The following COG1 variants were observed in gnomAD, a reference collection of about 807,000 sequenced individuals.
COG1 encodes the protein component of oligomeric golgi complex 1.
COG1 carries 61 observed loss-of-function variants against 102.2 expected under a neutral mutation model. That is an observed-to-expected ratio of 0.60 (90% CI 0.49 to 0.74). COG1 has a LOEUF of 0.74. Among genes scored for constraint, COG1 ranks in the 30% least tolerant of loss-of-function variants. COG1 has a pLI of 0.00. For synonymous variants in COG1, 454 were observed against 493.6 expected, an observed-to-expected ratio of 0.92 and a Z score of 1.06; for missense variants, 1,164 against 1,232.1, an observed-to-expected ratio of 0.94 and a Z score of 0.83.
Position 73,201,865 on chromosome 17 carries a change from A to G in COG1, c.2038A>G (p.Met680Val). 1 of 1,614,230 alleles carries G rather than the reference A, an allele frequency of 6.2e-7. No homozygotes were observed. Among genetic ancestry groups the G allele is most frequent in the Non-Finnish European group, 8.5e-7 (1 of 1,180,038 alleles). ...VKEVLLQQSV[M>V]GYQVWSSAVV... ...AGAAGTACTCCTCCAGCAGAGCGTGATGGGCTACCAGGTCTGGAGCAGTGC... is the reference window on the plus strand; with the variant it reads ...AGAAGTACTCCTCCAGCAGAGCGTGGTGGGCTACCAGGTCTGGAGCAGTGC... The change falls in exon 7 of 14, where the codon ATG becomes GTG. Residue 680 changes from methionine to valine, a missense_variant. By Grantham distance (21) the Met-to-Val change is conservative. Transcript: ENST00000299886.
intron 13 of COG1, 99 bp from the exon 14 acceptor site, chr17:73,208,215 G>C: frequency 6.3e-7 from 1 of 1,599,754 alleles, no homozygotes; most frequent in South Asian, 1.1e-5. Context: ...AGCTCCGCTT[G>C]TGTGTGCCGT....
chr17:73,207,649 ATT>A (rs2061385483), intron 13 of COG1: 2 of 1,281,636 alleles, frequency 1.6e-6, no homozygotes, highest in African/African-American at 1.5e-5. Context: ...GTAACAGAAA[ATT>A]TGTTTCCCCA....
At position 73,206,810 on chromosome 17, in the gene COG1, C is replaced by G; in HGVS notation, c.2722C>G (p.Gln908Glu). 3 of 1,612,940 alleles carry G rather than the reference C, an allele frequency of 1.9e-6. No homozygotes were observed. Among genetic ancestry groups the G allele is most frequent in the Non-Finnish European group, 2.5e-6 (3 of 1,179,102 alleles). The change falls in exon 12 of 14, where the codon CAG (glutamine) becomes GAG (glutamate). Residue 908 changes from glutamine (Q) to glutamate (E), a missense_variant. Gln to Glu is a conservative substitution (Grantham distance 29). Coordinates refer to ENST00000299886, the MANE Select transcript of COG1 (RefSeq NM_018714.3). Reference sequence around the variant, plus strand: ...TAACATCCTGCCACTGGCATCCAGTCAGATCAGGTAAAGGCTGCCAAGAGG... The same window carrying G: ...TAACATCCTGCCACTGGCATCCAGTGAGATCAGGTAAAGGCTGCCAAGAGG... The part of the protein sequence containing the change: ...PHNILPLASS[Q>E]IRFGLLPLSM...
At position 73,203,008 on chromosome 17, in the gene COG1, T is replaced by C. The variant is rs2061353333; in HGVS notation, c.2082T>C (p.Ile694=). The change falls in exon 8 of 14, where the codon ATT becomes ATC. Residue 694 remains isoleucine (I), a synonymous_variant. Coordinates refer to ENST00000299886, the MANE Select transcript of COG1 (RefSeq NM_018714.3). The part of the protein sequence containing the change: ...VWSSAVVKVL[I]HGFTQSLLLD... The stretch of plus-strand genomic sequence containing the variant: ...CTGCCTTTTATTACCAGGTTTTGAT[T>C]CATGGATTCACCCAGTCATTACTTC... 6.2e-7 allele frequency: 1 copy of C among 1,614,022 alleles called. No individual in the cohort carries two copies. Among genetic ancestry groups the C allele is most frequent in the Non-Finnish European group, 8.5e-7 (1 of 1,180,004 alleles).
chr17:73,207,933 TTAAA>T (rs1278249224), intron 13 of COG1: 1 of 1,194,716 alleles, frequency 8.4e-7, no homozygotes, highest in Non-Finnish European at 1.1e-6. Context: ...AGATGGTAGT[TTAAA>T]AAAAAAAAAA....
intron 1 of COG1, among the ~76,000 whole-genome samples, chr17:73,194,668 T>C (rs922513326): frequency 2.6e-5 from 4 of 151,948 alleles, no homozygotes; most frequent in African/African-American, 4.8e-5. Context: ...TTCACCATAT[T>C]GGCCCGGCTG....
chr17:73,201,990 G>A, intron 7 of COG1, 90 bp downstream of exon 7: 2 of 1,250,976 alleles, frequency 1.6e-6, no homozygotes, highest in Non-Finnish European at 2.3e-6. Flanking sequence ...AGTAGTAAAG[G>A]CAAAACAATT....
intron 11 of COG1, 39 bp downstream of exon 11, chr17:73,206,301 G>A (rs761366176): frequency 2.0e-6 from 3 of 1,469,426 alleles, no homozygotes; most frequent in Non-Finnish European, 2.9e-6. Flanking sequence ...CGAACGAAGC[G>A]ATACAGGCTC....
At chr17:73,204,804 G>GT (rs1304489256) in intron 9 of COG1, among the ~76,000 whole-genome samples, 1 of 152,120 alleles carries the variant, frequency 6.6e-6, no homozygotes, top group African/African-American at 2.4e-5. Flanking sequence ...CAAATCGCTT[G>GT]TTTCGGCCTC....
chr17:73,207,777 A>G (rs1379501988), intron 13 of COG1: 2 of 1,285,296 alleles, frequency 1.6e-6, no homozygotes, highest in Non-Finnish European at 1.0e-6. Flanking sequence ...TGTGTTTGAA[A>G]GCTCAAACAG....
chr17:73,203,270 A>C, intron 8 of COG1, 124 bp downstream of exon 8: 3 of 1,249,098 alleles, frequency 2.4e-6, no homozygotes, highest in South Asian at 2.6e-5. Context: ...GTAATTTTCT[A>C]CTGTGGGGGC....
In COG1 at chr17:73,193,177, G is replaced by A. The variant is rs775416698; in HGVS notation, c.108G>A (p.Gln36=). ...GAEEIRGLER[Q]VRAEIEHKKE... ...AGGAGATCCGCGGGCTGGAGCGCCAGGTTCGGGCCGAGATCGAGCACAAGA... is the reference window on the plus strand; with the variant it reads ...AGGAGATCCGCGGGCTGGAGCGCCAAGTTCGGGCCGAGATCGAGCACAAGA... Residue 36 remains glutamine (Q), a synonymous_variant, in exon 1 of 14, where the codon CAG becomes CAA. Transcript: ENST00000299886. The A allele has an allele frequency of 6.2e-7, 1 of 1,607,946 alleles. No homozygotes were observed.
In COG1 at chr17:73,208,333, C is replaced by T; in HGVS notation, c.2825C>T (p.Ser942Phe). The T allele has an allele frequency of 6.2e-7, 1 of 1,614,028 alleles. No homozygotes were observed. The highest frequency in any genetic ancestry group is 8.5e-7 in the Non-Finnish European group (1 of 1,180,004). The change falls in exon 14 of 14, where the codon TCC becomes TTC. Residue 942 changes from serine to phenylalanine, a missense_variant. Coordinates refer to ENST00000299886, the MANE Select transcript of COG1 (RefSeq NM_018714.3). ...TGGCAGGTTGTCCCCCCGGCACGCT[C>T]CACAGCTGGTGACCCGACAGTTCCT... is the stretch of plus-strand genomic sequence containing the variant. ...TKAQVVPPAR[S>F]TAGDPTVPGS...
In COG1 at chr17:73,208,339, C is replaced by G. The variant is rs147965233; in HGVS notation, c.2831C>G (p.Ala944Gly). The G allele has an allele frequency of 6.2e-7, 1 of 1,614,076 alleles. No individual in the cohort carries two copies. The highest frequency in any genetic ancestry group is 8.5e-7 in the Non-Finnish European group (1 of 1,180,008). Reference sequence around the variant, plus strand: ...GTTGTCCCCCCGGCACGCTCCACAGCTGGTGACCCGACAGTTCCTGGCTCC... The same window carrying G: ...GTTGTCCCCCCGGCACGCTCCACAGGTGGTGACCCGACAGTTCCTGGCTCC... The part of the protein sequence containing the change: ...AQVVPPARST[A>G]GDPTVPGSLF... The change falls in exon 14 of 14, where the codon GCT (alanine) becomes GGT (glycine). Residue 944 changes from alanine to glycine, a missense_variant. By Grantham distance (60) the Ala-to-Gly change is moderately conservative. Transcript: ENST00000299886.
At chr17:73,205,722 CA>C (rs750297493) in intron 10 of COG1, 42 bp downstream of exon 10, 3 of 1,611,942 alleles carry the variant, frequency 1.9e-6, no homozygotes, top group Non-Finnish European at 2.5e-6. Context: ...CGGTCTCTTC[CA>C]AAAGCAAATA....
Position 73,201,505 on chromosome 17 carries a change from T to C in COG1, c.1678T>C (p.Tyr560His). The change falls in exon 7 of 14, where the codon TAC becomes CAC. Residue 560 changes from tyrosine to histidine, a missense_variant. Transcript: ENST00000299886. Reference sequence around the variant, plus strand: ...GGCCAAGAGTTCTGCCTTTGACAGATACGCAGATGCGGGGACCGTGCAGGA... The same window carrying C: ...GGCCAAGAGTTCTGCCTTTGACAGACACGCAGATGCGGGGACCGTGCAGGA... ...TQAKSSAFDR[Y>H]ADAGTVQEML... 2 of 1,614,230 alleles carry C rather than the reference T, an allele frequency of 1.2e-6. No homozygotes were observed. The highest frequency in any genetic ancestry group is 1.7e-5 in the Admixed American group (1 of 60,030).
intron 4 of COG1, among the ~76,000 whole-genome samples, chr17:73,199,597 C>A (rs1160360173): frequency 6.6e-6 from 1 of 152,044 alleles, no homozygotes; most frequent in Non-Finnish European, 1.5e-5. Flanking sequence ...TTTTTGGAGA[C>A]AGGGTCTCAC....
Position 73,205,983 on chromosome 17 carries a change from TAGAC to T in COG1, c.2511-169_2511-166del, listed in dbSNP as rs555601292. 3,874 of 701,978 alleles carry T rather than the reference TAGAC, an allele frequency of 5.5e-3. 23 individuals are homozygous for T. Among genetic ancestry groups the T allele is most frequent in the Non-Finnish European group, 7.4e-3 (2,969 of 399,852 alleles). The allele number at this position is 701,978 out of a possible 1,614,324, so 43.5% of individuals were successfully genotyped here. A position where few individuals can be genotyped will look rare whatever the true frequency, so the allele number is the denominator to read the frequency against. On this transcript the variant is annotated intron_variant, in intron 10 of 13. Coordinates refer to ENST00000299886, the MANE Select transcript of COG1 (RefSeq NM_018714.3). ...AACGGGGGAAAGGGTGGACTTCACT[TAGAC>T]ATCATGCTTGAGGGTGACTTAAGCA...
At chr17:73,205,494 T>C (rs1444846815) in intron 9 of COG1, 59 bp from the exon 10 acceptor site, 3 of 1,596,732 alleles carry the variant, frequency 1.9e-6, no homozygotes, top group East Asian at 4.5e-5. Flanking sequence ...AAGCTGTTTA[T>C]TACGCTCACA....
Sources: allele counts gnomAD v4.1 joint callset (sites outside exome capture counted in the v4.1 genomes callset), GRCh38; gene constraint gnomAD v4.1.1; transcripts MANE v1.5; gene names NCBI Gene and HGNC (gene_info 2026-07-23, HGNC 2026-07-21).